Variants in ISLR2 observed in about 807,000 individuals in gnomAD.
The protein encoded by ISLR2 is immunoglobulin superfamily containing leucine rich repeat 2.
Under a neutral mutation model 25.5 loss-of-function variants are expected in ISLR2, and 16 were observed. The observed-to-expected ratio is 0.63, with a 90% CI of 0.43 to 0.95. The LOEUF (loss-of-function observed/expected upper bound fraction) is 0.95, where lower values mean the gene tolerates loss of function less well. Among genes scored for constraint, ISLR2 ranks in the 40% least tolerant of loss-of-function variants. The pLI, the probability that ISLR2 is intolerant of heterozygous loss-of-function variation, is 0.00. For missense variants in ISLR2, 883 were observed against 1,030.7 expected, an observed-to-expected ratio of 0.86 and a Z score of 1.96; for synonymous variants, 508 against 486.6, an observed-to-expected ratio of 1.04 and a Z score of -0.58.
intron 2 of ISLR2, among the ~76,000 whole-genome samples, chr15:74,106,670 T>A (rs542366177): frequency 6.6e-6 from 1 of 152,240 alleles, no homozygotes; most frequent in South Asian, 2.1e-4. Context: ...AATGGGGTTC[T>A]GAGAGGTTAA....
In ISLR2 at chr15:74,134,026, G is replaced by A; in HGVS notation, c.1272G>A (p.Lys424=). 2 of 1,613,472 alleles carry A rather than the reference G, an allele frequency of 1.2e-6. No individual in the cohort carries two copies. The highest frequency in any genetic ancestry group is 2.2e-5 in the East Asian group (1 of 44,858). ...AAATCAAAGGCCAAGGCCTGGCCAAGGTCAGCATTCTCGGGGAGACCGAGA... is the reference window on the plus strand; with the variant it reads ...AAATCAAAGGCCAAGGCCTGGCCAAAGTCAGCATTCTCGGGGAGACCGAGA... ...EGKIKGQGLA[K]VSILGETETE... Residue 424 remains lysine (K), a synonymous_variant, in exon 3 of 3, where the codon AAG becomes AAA. Transcript: ENST00000453268.
At chr15:74,107,967 G>A (rs2072134536) in intron 2 of ISLR2, among the ~76,000 whole-genome samples, 1 of 152,156 alleles carries the variant, frequency 6.6e-6, no homozygotes, top group South Asian at 2.1e-4. Flanking sequence ...GGCTTCACAA[G>A]GAGGTTGAGG....
upstream of ISLR2, chr15:74,129,467 C>T (rs575760416): frequency 2.9e-4 from 51 of 174,952 alleles, no homozygotes; most frequent in Non-Finnish European, 4.3e-4. The surrounding 1 kb of genome is among the most constrained non-coding windows in gnomAD (Gnocchi z 4.5). Flanking sequence ...GCTTGGTGCT[C>T]CCAGAGAGCT....
Position 74,133,388 on chromosome 15 carries a change from G to A in ISLR2, c.634G>A (p.Ala212Thr). Reference protein sequence around the residue: ...SLPEPDSIACASPPALQGVPV... With the variant: ...SLPEPDSIACTSPPALQGVPV... ...ACCCGAGCCCGACTCCATTGCTTGTGCCTCGCCTCCCGCGCTGCAGGGGGT... is the reference window on the plus strand; with the variant it reads ...ACCCGAGCCCGACTCCATTGCTTGTACCTCGCCTCCCGCGCTGCAGGGGGT... The change falls in exon 3 of 3, where the codon GCC (alanine) becomes ACC (threonine). Residue 212 changes from alanine to threonine, a missense_variant. By Grantham distance (58) the Ala-to-Thr change is moderately conservative. This residue lies in a region of ISLR2 where 271 missense variants were observed against 387.9 expected (regional missense o/e 0.70). Coordinates refer to ENST00000453268, the MANE Select transcript of ISLR2 (RefSeq NM_020851.3). The A allele has an allele frequency of 6.2e-7, 1 of 1,607,434 alleles. No homozygotes were observed. Among genetic ancestry groups the A allele is most frequent in the Non-Finnish European group, 8.5e-7 (1 of 1,179,786 alleles).
At position 74,132,904 on chromosome 15, in the gene ISLR2, T is replaced by G. The variant is rs1567161764; in HGVS notation, c.150T>G (p.Pro50=). Residue 50 remains proline, a synonymous_variant, in exon 3 of 3, where the codon CCT becomes CCG. Transcript: ENST00000453268. This position sits in a 1 kb window ranked among gnomAD's most constrained non-coding sequence, Gnocchi z 4.3. The part of the protein sequence containing the change: ...KELREVPEGL[P]ANVTTLSLSA... ...TGCGTGAGGTGCCGGAAGGACTGCCTGCCAACGTGACGACGCTTAGTCTGT... is the reference window on the plus strand; with the variant it reads ...TGCGTGAGGTGCCGGAAGGACTGCCGGCCAACGTGACGACGCTTAGTCTGT... 3.7e-6 allele frequency: 6 copies of G among 1,614,100 alleles called. No homozygotes were observed. Among genetic ancestry groups the G allele is most frequent in the Non-Finnish European group, 4.2e-6 (5 of 1,179,944 alleles).
intron 2 of ISLR2, among the ~76,000 whole-genome samples, chr15:74,107,697 G>A (rs532286995): frequency 2.6e-5 from 4 of 152,170 alleles, no homozygotes; most frequent in African/African-American, 4.8e-5. Flanking sequence ...AACCCTCCAC[G>A]TCCTTGGGAA....
At chr15:74,118,332 C>T (rs1413113603) in intron 2 of ISLR2, among the ~76,000 whole-genome samples, 4 of 152,056 alleles carry the variant, frequency 2.6e-5, no homozygotes, top group Non-Finnish European at 5.9e-5. Flanking sequence ...TATCACAAAG[C>T]AAATGGAGGC....
intron 2 of ISLR2, among the ~76,000 whole-genome samples, chr15:74,131,608 G>A (rs757990336): frequency 6.6e-6 from 1 of 152,162 alleles, no homozygotes; most frequent in Non-Finnish European, 1.5e-5. Context: ...CTTAGGCACC[G>A]CAGAGCTGTG....
At chr15:74,123,426 C>T (rs907496405), upstream of ISLR2, among the ~76,000 whole-genome samples, 1 of 152,190 alleles carries the variant, frequency 6.6e-6, no homozygotes, top group Non-Finnish European at 1.5e-5. Context: ...CCACAGCACC[C>T]AAGGGCCTCA....
chr15:74,140,276 C>A (rs749526342), downstream of ISLR2, among the ~76,000 whole-genome samples: 6 of 152,162 alleles, frequency 3.9e-5, no homozygotes, highest in Non-Finnish European at 7.3e-5. Flanking sequence ...AAAATAACAA[C>A]CACAACTAAA....
chr15:74,120,414 C>T (rs1266664421), intron 2 of ISLR2, among the ~76,000 whole-genome samples: 1 of 151,596 alleles, frequency 6.6e-6, no homozygotes, highest in Non-Finnish European at 1.5e-5. Flanking sequence ...CCAAGCTACT[C>T]CAGAGTCTGA....
upstream of ISLR2, among the ~76,000 whole-genome samples, chr15:74,123,430 G>A (rs1306595054): frequency 6.6e-6 from 1 of 152,158 alleles, no homozygotes; most frequent in African/African-American, 2.4e-5. Flanking sequence ...AGCACCCAAG[G>A]GCCTCAAGAC....
At chr15:74,118,181 G>A in intron 2 of ISLR2, among the ~76,000 whole-genome samples, 1 of 152,088 alleles carries the variant, frequency 6.6e-6, no homozygotes. Flanking sequence ...GTGTCCGGGG[G>A]AGACATCACA....
At chr15:74,111,722 C>A (rs533039215) in intron 2 of ISLR2, among the ~76,000 whole-genome samples, 1 of 152,306 alleles carries the variant, frequency 6.6e-6, no homozygotes, top group Non-Finnish European at 1.5e-5. Context: ...AAGCCCGTGC[C>A]ACCATGCCTG....
intron 1 of ISLR2, among the ~76,000 whole-genome samples, chr15:74,101,108 C>T (rs1469329820): frequency 5.0e-5 from 2 of 40,134 alleles, no homozygotes; most frequent in Admixed American, 2.9e-4. Flanking sequence ...GTTCCAGGAC[C>T]CCAGAGATAC....
intron 2 of ISLR2, among the ~76,000 whole-genome samples, chr15:74,107,649 T>G (rs1312697663): frequency 6.6e-6 from 1 of 152,150 alleles, no homozygotes; most frequent in Non-Finnish European, 1.5e-5. Flanking sequence ...TCCCACCTCC[T>G]GATGTTTGCC....
At chr15:74,119,918 C>T (rs1415880190) in intron 2 of ISLR2, among the ~76,000 whole-genome samples, 1 of 152,172 alleles carries the variant, frequency 6.6e-6, no homozygotes, top group Non-Finnish European at 1.5e-5. Flanking sequence ...CAGAGCTTGA[C>T]CTGAAACCCA....
At chr15:74,129,114 G>A (rs1275698453), upstream of ISLR2, 5 of 453,298 alleles carry the variant, frequency 1.1e-5, no homozygotes, top group Non-Finnish European at 2.2e-5. This position sits in a 1 kb window ranked among gnomAD's most constrained non-coding sequence, Gnocchi z 4.5. Flanking sequence ...GGGGACTCCA[G>A]GCCCGAGCAG....
chr15:74,106,099 G>C (rs1209737018), intron 2 of ISLR2, among the ~76,000 whole-genome samples: 1 of 152,148 alleles, frequency 6.6e-6, no homozygotes, highest in African/African-American at 2.4e-5. Flanking sequence ...GCTGAGGTGG[G>C]AGGATCACTT....
Sources: gnomAD v4.1 joint callset for allele counts (sites outside exome capture counted in the v4.1 genomes callset) on GRCh38, gnomAD v4.1.1 for gene constraint, gnomAD v4.1.1 regional missense constraint, Gnocchi (gnomAD v3.1) non-coding constraint, MANE v1.5 for transcripts, NCBI Gene and HGNC (gene_info 2026-07-23, HGNC 2026-07-21) for gene names.